Variants in PRDX1 observed in about 807,000 individuals in gnomAD.
PRDX1 encodes the protein peroxiredoxin 1, also known as peroxiredoxin-1.
A neutral mutation model predicts 20.7 loss-of-function variants in PRDX1; 19 were observed. The observed-to-expected ratio is 0.92, with a 90% confidence interval of 0.64 to 1.35. The LOEUF is 1.35. Ranked by LOEUF, PRDX1 falls within the 40% of genes most tolerant of loss-of-function variation. PRDX1 has a pLI of 0.00. For synonymous variants in PRDX1, 89 were observed against 83.9 expected, an observed-to-expected ratio of 1.06 and a Z score of -0.33; for missense variants, 226 against 240.0, an observed-to-expected ratio of 0.94 and a Z score of 0.38.
At chr1:45,511,470 T>C in intron 5 of PRDX1, 56 bp from the exon 6 acceptor site, 6 of 1,466,732 alleles carry the variant, frequency 4.1e-6, no homozygotes, top group Non-Finnish European at 5.7e-6. Context: ...GCACCACCAT[T>C]CTCCTATGGA....
At chr1:45,514,811 G>A (rs989767330) in intron 4 of PRDX1, 62 bp downstream of exon 4, 22 of 1,604,104 alleles carry the variant, frequency 1.4e-5, no homozygotes, top group African/African-American at 4.0e-5. Flanking sequence ...TACAGATCAG[G>A]GCTCTAGATC....
rs1239079715 is a variant in PRDX1, at chr1:45,515,818, A to T, written c.107-11T>A. The T allele has an allele frequency of 3.9e-6, 6 of 1,546,804 alleles. No individual in the cohort carries two copies. ...ACACAACATATTTTCCTGGGGGGAA[A>T]ATCGGAGTCATGGTTAGCATTTGAC... On this transcript the variant is annotated splice_polypyrimidine_tract_variant and intron_variant, in intron 2 of 5. Coordinates refer to ENST00000319248, the MANE Select transcript of PRDX1 (RefSeq NM_181697.3).
chr1:45,514,885 C>T lies in PRDX1; in HGVS notation c.371G>A (p.Gly124Asp). ...QDYGVLKADEGISFRGLFIID... is the reference protein window; with the variant it reads ...QDYGVLKADEDISFRGLFIID... ...CCTGATGACATACCTGAACGAGATG[C>T]CTTCATCAGCCTTTAAGACCCCATA... is the stretch of plus-strand genomic sequence containing the variant. Residue 124 changes from glycine (G) to aspartate (D), a missense_variant, in exon 4 of 6, where the codon GGC becomes GAC. Transcript: ENST00000319248. 1 of 1,614,098 alleles carries T rather than the reference C, an allele frequency of 6.2e-7. No homozygotes were observed. The highest frequency in any genetic ancestry group is 2.2e-5 in the East Asian group (1 of 44,872).
chr1:45,512,687 A>C (rs998294293), intron 5 of PRDX1: 1 of 152,214 alleles, frequency 6.6e-6, no homozygotes, highest in Admixed American at 6.5e-5. Flanking sequence ...AGACTAACCT[A>C]TATGTAGGTT....
Position 45,515,785 on chromosome 1 carries a change from A to G in PRDX1, c.129T>C (p.Phe43=). The G allele has an allele frequency of 1.3e-6, 2 of 1,581,340 alleles. No homozygotes were observed. The highest frequency in any genetic ancestry group is 4.6e-5 in the East Asian group (2 of 43,378). The change falls in exon 3 of 6, where the codon TTT becomes TTC. Residue 43 remains phenylalanine, a synonymous_variant. Coordinates refer to ENST00000319248, the MANE Select transcript of PRDX1 (RefSeq NM_181697.3). The part of the protein sequence containing the change: ...DYKGKYVVFF[F]YPLDFTFVCP... ...ACACAAAGGTGAAGTCAAGAGGGTA[A>G]AAGAAGAACACAACATATTTTCCTG...
chr1:45,515,877 AAAG>A, intron 2 of PRDX1, 70 bp from the exon 3 acceptor site: 2 of 1,417,838 alleles, frequency 1.4e-6, no homozygotes, highest in South Asian at 3.0e-5. Flanking sequence ...TCCTATACAA[AAAG>A]AAGCAAGTTG....
rs757590412 is a variant in PRDX1 at position 45,519,049 on chromosome 1, T to C, written c.-6A>G. On this transcript the variant is annotated 5_prime_UTR_variant, in exon 2 of 6. It adds an upstream start codon to the 5' untranslated region. Transcript: ENST00000319248. ...TTAGCATTTCCTGAAGACATCTTCC[T>C]ATCAGCTAGAAATAACAGAAATGAA... 3.2e-6 allele frequency: 5 copies of C among 1,561,246 alleles called. No individual in the cohort carries two copies. Among genetic ancestry groups the C allele is most frequent in the East Asian group, 2.3e-5 (1 of 44,294 alleles).
At chr1:45,520,521 G>A (rs959265045) in intron 1 of PRDX1, among the ~76,000 whole-genome samples, 23 of 151,744 alleles carry the variant, frequency 1.5e-4, no homozygotes, top group African/African-American at 5.6e-4. Flanking sequence ...TCAGAAGTTC[G>A]AGACCAGCCT....
At position 45,514,869 on chromosome 1, in the gene PRDX1, A is replaced by G. The variant is rs878870788; in HGVS notation, c.383+4T>C. ...CCAACTGGATACTTGTCCTGATGAC[A>G]TACCTGAACGAGATGCCTTCATCAG... On this transcript the variant is annotated splice_donor_region_variant and intron_variant, in intron 4 of 5. Transcript: ENST00000319248. 6.2e-7 allele frequency: 1 copy of G among 1,614,122 alleles called. No homozygotes were observed. Among genetic ancestry groups the G allele is most frequent in the Non-Finnish European group, 8.5e-7 (1 of 1,179,976 alleles).
chr1:45,520,205 C>CAAAAAAAA (rs59260423), intron 1 of PRDX1, among the ~76,000 whole-genome samples: 2,192 of 90,702 alleles, frequency 0.024, 141 homozygotes, highest in African/African-American at 0.097. Flanking sequence ...ACTCTGTCTC[C>CAAAAAAAA]AAAAAAAAAA....
chr1:45,511,676 TTAAA>T (rs767289126), intron 5 of PRDX1: 9 of 325,042 alleles, frequency 2.8e-5, no homozygotes, highest in Non-Finnish European at 5.0e-5. Context: ...AAGGCAAAGT[TTAAA>T]TAATTTGCCA....
At chr1:45,520,205 C>CAAA (rs59260423) in intron 1 of PRDX1, among the ~76,000 whole-genome samples, 5 of 91,026 alleles carry the variant, frequency 5.5e-5, no homozygotes, top group Non-Finnish European at 6.7e-5. Flanking sequence ...ACTCTGTCTC[C>CAAA]AAAAAAAAAA....
intron 2 of PRDX1, 128 bp from the exon 3 acceptor site, chr1:45,515,935 A>G (rs1643855181): frequency 9.8e-6 from 9 of 920,410 alleles, no homozygotes; most frequent in Middle Eastern, 2.3e-4. Context: ...CTCAATACAG[A>G]TGTCTCCTAG....
intron 5 of PRDX1, among the ~76,000 whole-genome samples, chr1:45,514,226 G>A (rs1299144368): frequency 1.3e-5 from 2 of 152,044 alleles, no homozygotes; most frequent in African/African-American, 4.8e-5. Context: ...TTTATCTGCT[G>A]ACCTTCTCTC....
chr1:45,519,889 G>A (rs34673142), intron 1 of PRDX1, among the ~76,000 whole-genome samples: 34,964 of 152,058 alleles, frequency 0.23, 4,133 homozygotes, highest in East Asian at 0.32. Context: ...GAGCCACCGC[G>A]CCCTTCCAGT....
rs533213001 is a variant in PRDX1, at chr1:45,515,543, G to A, written c.260+111C>T. The A allele has an allele frequency of 8.4e-5, 94 of 1,123,196 alleles. 1 individual carries two copies. The highest frequency in any genetic ancestry group is 3.9e-4 in the Admixed American group (13 of 32,994). 69.6% of individuals were successfully genotyped at this position (1,123,196 alleles called of 1,614,324 possible). On this transcript the variant is annotated intron_variant, in intron 3 of 5. Coordinates refer to ENST00000319248, the MANE Select transcript of PRDX1 (RefSeq NM_181697.3). ...GAAACTGGGAGGCAGAGCTTGAAGTGAGCGGAGATCACACCACTGCACTCC... is the reference window on the plus strand; with the variant it reads ...GAAACTGGGAGGCAGAGCTTGAAGTAAGCGGAGATCACACCACTGCACTCC...
At chr1:45,522,116 C>T (rs896620998), upstream of PRDX1, among the ~76,000 whole-genome samples, 4 of 152,210 alleles carry the variant, frequency 2.6e-5, no homozygotes, top group Non-Finnish European at 5.9e-5. Context: ...CTTGTGGCCG[C>T]TCCCGAACCC....
intron 1 of PRDX1, among the ~76,000 whole-genome samples, chr1:45,519,817 C>T (rs372534614): frequency 3.9e-5 from 6 of 152,306 alleles, no homozygotes; most frequent in African/African-American, 1.4e-4. Context: ...AGGCTAGTCT[C>T]AAACTCCTCA....
chr1:45,520,833 G>A lies in PRDX1; in HGVS notation c.-12+996C>T, dbSNP rs909543856. On this transcript the variant is annotated intron_variant, in intron 1 of 5. Transcript: ENST00000319248. ...GCAGAAGAATTGCTTGAATTCGGGA[G>A]ACAGGGGTTGCAGTAAGCCGAGACC... Among the ~76,000 whole-genome samples, 6 of 151,912 alleles carry A rather than the reference G, an allele frequency of 3.9e-5. No individual in the cohort carries two copies. In the Middle Eastern group the frequency reaches 0.01, roughly 258 times the overall value.
Sources: allele counts gnomAD v4.1 joint callset (sites outside exome capture counted in the v4.1 genomes callset), GRCh38; gene constraint gnomAD v4.1.1; transcripts MANE v1.5; gene names NCBI Gene and HGNC (gene_info 2026-07-23, HGNC 2026-07-21).